CREM: variants seen among roughly 807,000 people sequenced by gnomAD.
CREM encodes cAMP-responsive element modulator.
Under a neutral mutation model 37.3 loss-of-function variants are expected in CREM, and 13 were observed. That is an observed-to-expected ratio of 0.35 (90% CI 0.23 to 0.55). The LOEUF is 0.55. Among genes scored for constraint, CREM ranks in the 20% least tolerant of loss-of-function variants. CREM has a pLI of 0.88. For synonymous variants in CREM, 124 were observed against 120.2 expected (o/e 1.03, Z -0.21); for missense variants, 296 against 362.3 (o/e 0.82, Z 1.49).
chr10:35,147,699 T>C (rs2092279178), intron 2 of CREM, among the ~76,000 whole-genome samples: 1 of 152,196 alleles, frequency 6.6e-6, no homozygotes, highest in African/African-American at 2.4e-5. Context: ...TATTTATACT[T>C]TTCATGTAAA....
At position 35,192,209 on chromosome 10, in the gene CREM, G is replaced by A. The variant is rs2094947017; in HGVS notation, c.598+3821G>A. Among the ~76,000 whole-genome samples, 5 of 152,312 alleles carry A rather than the reference G, an allele frequency of 3.3e-5. No individual in the cohort carries two copies. The South Asian group carries it at 1.0e-3, about 32-fold the overall frequency. ...AGGCAGCAGCTCCCTTCTTGGCTCA[G>A]TTTTTTGGGAATTGTTCCTGAAAGT... On this transcript the variant is annotated intron_variant, in intron 6 of 7. Transcript: ENST00000685392.
chr10:35,203,724 TTTG>T (rs961535023), intron 6 of CREM, among the ~76,000 whole-genome samples: 1 of 152,118 alleles, frequency 6.6e-6, no homozygotes, highest in Non-Finnish European at 1.5e-5. Flanking sequence ...AGTTTTTTTT[TTTG>T]TTTTTTGTTT....
rs1203230834 is a variant in CREM, at chr10:35,208,132, A to AT, written c.755+1087dup. On this transcript the variant is annotated intron_variant, in intron 7 of 7. Transcript: ENST00000685392. The stretch of plus-strand genomic sequence containing the variant: ...TTCTACATGTAGTTTCCTTTTGTCT[A>AT]TTTTTTAACTTTTTTTCCTCTATTA... 7.9e-5 allele frequency among the ~76,000 whole-genome samples: 12 copies of AT among 152,220 alleles called. No homozygotes were observed. The East Asian group carries it at 2.3e-3, about 29-fold the overall frequency.
intron 5 of CREM, among the ~76,000 whole-genome samples, chr10:35,187,129 TTAATATATTAATATA>T (rs1345075428): frequency 1.4e-5 from 1 of 70,916 alleles, no homozygotes; most frequent in Non-Finnish European, 2.5e-5. Context: ...TATAAATATA[TTAATATATTAATATA>T]TAATATATAT....
chr10:35,132,254 G>A (rs182528162), intron 1 of CREM, among the ~76,000 whole-genome samples: 4 of 151,874 alleles, frequency 2.6e-5, no homozygotes, highest in East Asian at 1.9e-4. Context: ...TGGTGGTGGC[G>A]GGGGAGGGAG....
chr10:35,169,053 T>C (rs2093681938), intron 3 of CREM, among the ~76,000 whole-genome samples: 1 of 152,206 alleles, frequency 6.6e-6, no homozygotes, highest in Non-Finnish European at 1.5e-5. Context: ...CTTTGTTCTT[T>C]TGGTTTAGGA....
At chr10:35,163,629 CCAA>C (rs2093399629) in intron 3 of CREM, among the ~76,000 whole-genome samples, 1 of 151,950 alleles carries the variant, frequency 6.6e-6, no homozygotes, top group Admixed American at 6.6e-5. Flanking sequence ...ACCAGCCTGG[CCAA>C]CAACATGGTA....
At chr10:35,193,066 A>G (rs1030462630) in intron 6 of CREM, among the ~76,000 whole-genome samples, 1 of 152,200 alleles carries the variant, frequency 6.6e-6, no homozygotes, top group African/African-American at 2.4e-5. Context: ...CCCATCCTCC[A>G]CATCTGGCTT....
intron 1 of CREM, among the ~76,000 whole-genome samples, chr10:35,136,641 T>C (rs2090565751): frequency 6.6e-6 from 1 of 152,144 alleles, no homozygotes; most frequent in Non-Finnish European, 1.5e-5. Flanking sequence ...ACCAGGATTA[T>C]ATGACATCAT....
chr10:35,167,694 T>G (rs2093620160), intron 3 of CREM: 2 of 1,604,474 alleles, frequency 1.2e-6, no homozygotes, highest in Non-Finnish European at 8.5e-7. Flanking sequence ...TTTCTTCAGA[T>G]TAAGTACTGT....
At chr10:35,132,071 C>T (rs754647121) in intron 1 of CREM, among the ~76,000 whole-genome samples, 8 of 151,804 alleles carry the variant, frequency 5.3e-5, no homozygotes, top group Admixed American at 3.9e-4. Flanking sequence ...CATGGTGGCT[C>T]GCGCGTGTAA....
chr10:35,194,597 C>CT (rs1291201677), intron 6 of CREM, among the ~76,000 whole-genome samples: 14 of 152,262 alleles, frequency 9.2e-5, no homozygotes, highest in African/African-American at 2.9e-4. Context: ...AATTCTGTAT[C>CT]ACCTTAGGAA....
At chr10:35,192,685 A>G (rs2133894497) in intron 6 of CREM, among the ~76,000 whole-genome samples, 1 of 152,218 alleles carries the variant, frequency 6.6e-6, no homozygotes, top group South Asian at 2.1e-4. Context: ...AATCCTGTTC[A>G]CAAGGGTGTC....
intron 6 of CREM, among the ~76,000 whole-genome samples, chr10:35,197,294 A>G (rs2095225720): frequency 6.6e-6 from 1 of 152,082 alleles, no homozygotes; most frequent in South Asian, 2.1e-4. Context: ...ATGTCAAACA[A>G]CTTAAAACAC....
At chr10:35,208,027 G>C in intron 7 of CREM, among the ~76,000 whole-genome samples, 1 of 152,226 alleles carries the variant, frequency 6.6e-6, no homozygotes, top group South Asian at 2.1e-4. Context: ...AGTATTTGCT[G>C]TGAAGTAGGT....
At chr10:35,205,488 G>C (rs1476531491) in intron 6 of CREM, among the ~76,000 whole-genome samples, 1 of 152,104 alleles carries the variant, frequency 6.6e-6, no homozygotes, top group African/African-American at 2.4e-5. Flanking sequence ...CAGTGCTTCA[G>C]TGATTTTCTA....
chr10:35,145,551 C>G (rs1471932705), intron 2 of CREM, among the ~76,000 whole-genome samples: 1 of 152,172 alleles, frequency 6.6e-6, no homozygotes, highest in African/African-American at 2.4e-5. Flanking sequence ...GAGGCCAAGG[C>G]AGGCAGATCA....
At chr10:35,200,621 T>G (rs1225831655) in intron 6 of CREM, among the ~76,000 whole-genome samples, 1 of 152,052 alleles carries the variant, frequency 6.6e-6, no homozygotes. Flanking sequence ...AGGTGTAGGA[T>G]CTGGGTATTA....
chr10:35,138,158 G>A (rs2090871494), intron 2 of CREM, among the ~76,000 whole-genome samples: 1 of 152,224 alleles, frequency 6.6e-6, no homozygotes, highest in Non-Finnish European at 1.5e-5. Flanking sequence ...TAGTTAAGTG[G>A]AATTGTAGAA....
Sources: gnomAD v4.1 joint callset for allele counts (sites outside exome capture counted in the v4.1 genomes callset) on GRCh38, gnomAD v4.1.1 for gene constraint, MANE v1.5 for transcripts, NCBI Gene and HGNC (gene_info 2026-07-23, HGNC 2026-07-21) for gene names.